Variants in DCAF17 observed in about 807,000 individuals in gnomAD.
The protein encoded by DCAF17 is DDB1- and CUL4-associated factor 17.
Under a neutral mutation model 66.0 loss-of-function variants are expected in DCAF17, and 48 were observed. That is an observed-to-expected ratio of 0.73 (90% CI 0.58 to 0.92). The LOEUF (loss-of-function observed/expected upper bound fraction) is 0.92, where lower values mean the gene tolerates loss of function less well. Ranked by LOEUF, DCAF17 falls within the 40% of genes least tolerant of loss-of-function variation. The pLI is 0.00. For missense variants in DCAF17, 562 were observed against 622.8 expected, an observed-to-expected ratio of 0.90 and a Z score of 1.04; for synonymous variants, 206 against 214.6, an observed-to-expected ratio of 0.96 and a Z score of 0.35.
At chr2:171,469,720 A>T (rs184132913) in intron 9 of DCAF17, among the ~76,000 whole-genome samples, 1 of 152,338 alleles carries the variant, frequency 6.6e-6, no homozygotes, top group Non-Finnish European at 1.5e-5. Context: ...GATGCAATGT[A>T]TTAAGTACAG....
intron 2 of DCAF17, 90 bp from the exon 3 acceptor site, chr2:171,443,433 A>T (rs1002937703): frequency 5.1e-5 from 54 of 1,062,728 alleles, no homozygotes; most frequent in Non-Finnish European, 7.2e-5. Context: ...TTGGTATTTC[A>T]CATCTCTGAA....
chr2:171,437,842 T>C (rs1483771982), intron 2 of DCAF17, among the ~76,000 whole-genome samples: 2 of 152,224 alleles, frequency 1.3e-5, no homozygotes, highest in Non-Finnish European at 2.9e-5. Context: ...ATTTTCTCTA[T>C]TGATTTTTGG....
intron 9 of DCAF17, among the ~76,000 whole-genome samples, chr2:171,473,443 T>TA (rs967871273): frequency 1.5e-4 from 23 of 151,096 alleles, no homozygotes; most frequent in Middle Eastern, 6.8e-3. Context: ...TATCTCTATT[T>TA]AAAAAAAAAC....
chr2:171,463,652 T>A (rs1418225514), intron 8 of DCAF17, among the ~76,000 whole-genome samples: 1 of 152,248 alleles, frequency 6.6e-6, no homozygotes, highest in East Asian at 1.9e-4. Flanking sequence ...AGTTCCCTAC[T>A]TTGGACATTT....
chr2:171,435,129 C>T lies in DCAF17; in HGVS notation c.173C>T (p.Pro58Leu). 1 of 1,613,578 alleles carries T rather than the reference C, an allele frequency of 6.2e-7. No individual in the cohort carries two copies. The highest frequency in any genetic ancestry group is 8.5e-7 in the Non-Finnish European group (1 of 1,179,618). ...KNVWTTHSRS[P>L]IAYERGRIYF... ...GTCTGGACAACTCATTCCAGGTCACCTATAGCCTATGAGAGAGGAAGAATA... is the reference window on the plus strand; with the variant it reads ...GTCTGGACAACTCATTCCAGGTCACTTATAGCCTATGAGAGAGGAAGAATA... The change falls in exon 2 of 14, where the codon CCT (proline) becomes CTT (leucine). Residue 58 changes from proline (P) to leucine (L), a missense_variant. By Grantham distance (98) the Pro-to-Leu change is moderately conservative. Coordinates refer to ENST00000375255, the MANE Select transcript of DCAF17 (RefSeq NM_025000.4).
chr2:171,455,670 C>T (rs541928890), intron 6 of DCAF17, among the ~76,000 whole-genome samples: 1 of 152,256 alleles, frequency 6.6e-6, no homozygotes, highest in East Asian at 1.9e-4. Context: ...ACCTTGCCAG[C>T]ATCTGTTATT....
At chr2:171,448,658 T>C in intron 3 of DCAF17, 23 bp from the exon 4 acceptor site, 1 of 1,541,486 alleles carries the variant, frequency 6.5e-7, no homozygotes, top group Non-Finnish European at 8.7e-7. Flanking sequence ...GTTTCATTTT[T>C]ATATCTCTCT....
At chr2:171,438,309 G>A (rs1208263692) in intron 2 of DCAF17, among the ~76,000 whole-genome samples, 2 of 152,204 alleles carry the variant, frequency 1.3e-5, no homozygotes, top group Non-Finnish European at 2.9e-5. Context: ...TTTCGTGTAA[G>A]CTTGAGAAGA....
Position 171,434,475 on chromosome 2 carries a change from A to G in DCAF17, c.-103A>G, listed in dbSNP as rs1175704400. 1 of 1,513,548 alleles carries G rather than the reference A, an allele frequency of 6.6e-7. No homozygotes were observed. The highest frequency in any genetic ancestry group is 8.8e-7 in the Non-Finnish European group (1 of 1,132,350). The allele number at this position is 1,513,548 out of a possible 1,614,324, so 93.8% of individuals were successfully genotyped here. A position where few individuals can be genotyped will look rare whatever the true frequency, so the allele number is the denominator to read the frequency against. On this transcript the variant is annotated 5_prime_UTR_variant, in exon 1 of 14. Transcript: ENST00000375255. ...AGCTTTCCCTGGGCCCCGCCGGGAA[A>G]GTCTGGGCCTCGAAATTCGAAGGCA...
intron 8 of DCAF17, among the ~76,000 whole-genome samples, chr2:171,459,371 A>G (rs999357136): frequency 2.6e-5 from 4 of 152,362 alleles, no homozygotes; most frequent in African/African-American, 7.2e-5. Context: ...ATTAAAAGAA[A>G]TAGATCATGA....
At chr2:171,480,014 C>G (rs1270041866) in intron 12 of DCAF17, 24 bp from the exon 13 acceptor site, 2 of 1,611,978 alleles carry the variant, frequency 1.2e-6, no homozygotes, top group East Asian at 2.2e-5. Context: ...CCCTTTCCCT[C>G]TATTTTATCT....
chr2:171,450,540 T>G (rs979407352), intron 5 of DCAF17, among the ~76,000 whole-genome samples: 2 of 152,180 alleles, frequency 1.3e-5, no homozygotes, highest in African/African-American at 4.8e-5. Context: ...ACTTTTTGTT[T>G]CTATTGGTGA....
Position 171,473,946 on chromosome 2 carries a change from A to G in DCAF17, c.1062A>G (p.Arg354=). The G allele has an allele frequency of 6.2e-7, 1 of 1,613,732 alleles. No individual in the cohort carries two copies. Among genetic ancestry groups the G allele is most frequent in the Non-Finnish European group, 8.5e-7 (1 of 1,179,780 alleles). The change falls in exon 10 of 14, where the codon AGA becomes AGG. Residue 354 remains arginine (R), a synonymous_variant. Transcript: ENST00000375255. ...ATTTCCATCCTGATGCTTCTGGTAG[A>G]ATAATACATGTTGGTCCAAATCAAG... ...WIYFHPDASG[R]IIHVGPNQVK...
chr2:171,481,233 T>G lies in DCAF17; in HGVS notation c.*119T>G, dbSNP rs1316348077. ...AGTATTTTCCAAAAAAGTCTTGTGT[T>G]GACTTCAGATGACTATGACTTCTTT... On this transcript the variant is annotated 3_prime_UTR_variant, in exon 14 of 14. Coordinates refer to ENST00000375255, the MANE Select transcript of DCAF17 (RefSeq NM_025000.4). 7.6e-6 allele frequency: 9 copies of G among 1,184,746 alleles called. No individual in the cohort carries two copies. The highest frequency in any genetic ancestry group is 1.1e-5 in the Non-Finnish European group (9 of 802,084). 73.4% of individuals were successfully genotyped at this position (1,184,746 alleles called of 1,614,324 possible).
chr2:171,465,083 A>G (rs1384928525), intron 8 of DCAF17, among the ~76,000 whole-genome samples: 3 of 152,144 alleles, frequency 2.0e-5, no homozygotes, highest in Non-Finnish European at 1.5e-5. Context: ...TTGTAATCCC[A>G]GCTACTCGGG....
rs145804939 is a variant in DCAF17 at position 171,445,132 on chromosome 2, A to ATT, written c.321+1530_321+1531dup. Among the ~76,000 whole-genome samples the ATT allele has an allele frequency of 7.2e-4, 106 of 146,750 alleles. 2 individuals carry two copies. In the South Asian group the frequency reaches 0.019, roughly 26 times the overall value. ...TAGTAACCTAATTCCTATTCTCACT[A>ATT]TTTTTTTTTTTTGAGACGGTCTCTC... On this transcript the variant is annotated intron_variant, in intron 3 of 13. Coordinates refer to ENST00000375255, the MANE Select transcript of DCAF17 (RefSeq NM_025000.4).
chr2:171,466,468 G>C (rs943123953), intron 8 of DCAF17, among the ~76,000 whole-genome samples: 11 of 151,814 alleles, frequency 7.2e-5, no homozygotes, highest in Non-Finnish European at 1.3e-4. Flanking sequence ...ACTTCTCTCT[G>C]ATATCCTTGT....
In DCAF17 at chr2:171,484,947, G is replaced by A. The variant is rs936390939; in HGVS notation, c.*3833G>A. ...TTTATTGCTGAGTATTCTTTCGTATGAATATATCACAGTTTGTTTTTTTAT... is the reference window on the plus strand; with the variant it reads ...TTTATTGCTGAGTATTCTTTCGTATAAATATATCACAGTTTGTTTTTTTAT... On this transcript the variant is annotated 3_prime_UTR_variant, in exon 14 of 14. Coordinates refer to ENST00000375255, the MANE Select transcript of DCAF17 (RefSeq NM_025000.4). 1.8e-5 allele frequency: 8 copies of A among 453,884 alleles called. No homozygotes were observed. Among genetic ancestry groups the A allele is most frequent in the Non-Finnish European group, 3.1e-5 (7 of 226,776 alleles). 28.1% of individuals were successfully genotyped at this position (453,884 alleles called of 1,614,324 possible).
chr2:171,458,993 C>G (rs1257470698), intron 8 of DCAF17, among the ~76,000 whole-genome samples: 1 of 152,088 alleles, frequency 6.6e-6, no homozygotes. Context: ...CTATATTTAG[C>G]TTATGAAATT....
Sources: allele counts gnomAD v4.1 joint callset (sites outside exome capture counted in the v4.1 genomes callset), GRCh38; gene constraint gnomAD v4.1.1; transcripts MANE v1.5; gene names NCBI Gene and HGNC (gene_info 2026-07-23, HGNC 2026-07-21).